MYO3A: variants seen among roughly 807,000 people sequenced by gnomAD.
MYO3A encodes myosin-IIIa.
Under a neutral mutation model 192.7 loss-of-function variants are expected in MYO3A, and 180 were observed. The observed-to-expected ratio is 0.93, with a 90% CI of 0.83 to 1.06. MYO3A has a LOEUF of 1.06. MYO3A is among the 50% of genes least tolerant of loss of function. The pLI is 0.00. For synonymous variants in MYO3A, 628 were observed against 645.3 expected (o/e 0.97, Z 0.41); for missense variants, 1,896 against 1,905.0 (o/e 1.00, Z 0.09).
intron 14 of MYO3A, among the ~76,000 whole-genome samples, chr10:26,079,108 G>A (rs767241766): frequency 3.9e-5 from 6 of 152,098 alleles, no homozygotes; most frequent in Admixed American, 1.3e-4. Flanking sequence ...TGTCAGTGGA[G>A]TATTGAAGTC....
In MYO3A at chr10:26,173,650, A is replaced by G. The variant is rs1169378018; in HGVS notation, c.3399-13A>G. 1.9e-6 allele frequency: 3 copies of G among 1,608,920 alleles called. No individual in the cohort carries two copies. The highest frequency in any genetic ancestry group is 2.7e-5 in the African/African-American group (2 of 74,806). On this transcript the variant is annotated splice_polypyrimidine_tract_variant and intron_variant, in intron 29 of 34. Transcript: ENST00000642920. ...TTAGTACTGTATATTCAAAGATAAT[A>G]TATTTTACACAGGGAATCTTTCGTG...
chr10:26,211,739 T>C (rs1844225055), intron 34 of MYO3A, 104 bp from the exon 35 acceptor site: 3 of 1,539,270 alleles, frequency 1.9e-6, no homozygotes, highest in East Asian at 4.6e-5. Context: ...ATGTCCGCGG[T>C]TGGCAGAACG....
chr10:26,198,416 CA>C (rs1380029492), intron 32 of MYO3A, among the ~76,000 whole-genome samples: 2 of 152,042 alleles, frequency 1.3e-5, no homozygotes, highest in African/African-American at 2.4e-5. Flanking sequence ...CAAGTTTCCT[CA>C]AAAAAACGAG....
intron 31 of MYO3A, among the ~76,000 whole-genome samples, chr10:26,180,816 G>C (rs1417877100): frequency 6.6e-6 from 1 of 151,882 alleles, no homozygotes; most frequent in Admixed American, 6.6e-5. Flanking sequence ...TTTCTGAATT[G>C]AAAGATAAAA....
intron 31 of MYO3A, among the ~76,000 whole-genome samples, chr10:26,181,302 T>A (rs1204983346): frequency 6.6e-6 from 1 of 152,166 alleles, no homozygotes; most frequent in Non-Finnish European, 1.5e-5. Context: ...CATTTCACAA[T>A]CTCTGCTTAG....
At chr10:26,168,052 G>T (rs1841850481) in intron 27 of MYO3A, among the ~76,000 whole-genome samples, 1 of 152,204 alleles carries the variant, frequency 6.6e-6, no homozygotes, top group Non-Finnish European at 1.5e-5. Flanking sequence ...TGCTCCAATT[G>T]ATGTTGATTT....
intron 6 of MYO3A, among the ~76,000 whole-genome samples, chr10:26,005,051 C>G (rs1841097771): frequency 6.6e-6 from 1 of 152,074 alleles, no homozygotes; most frequent in Admixed American, 6.6e-5. Flanking sequence ...TTCGAAATAT[C>G]TCTCCACAAA....
intron 17 of MYO3A, among the ~76,000 whole-genome samples, chr10:26,109,145 T>A (rs540426113): frequency 1.2e-4 from 18 of 152,218 alleles, no homozygotes; most frequent in Non-Finnish European, 2.2e-4. Flanking sequence ...CATGTAAGAA[T>A]GGAAAATGTA....
At chr10:26,097,486 A>T (rs1319283197) in intron 17 of MYO3A, among the ~76,000 whole-genome samples, 2 of 152,062 alleles carry the variant, frequency 1.3e-5, no homozygotes, top group African/African-American at 4.8e-5. Context: ...TGCTGCACAC[A>T]TTAACTCGTC....
rs768029006 is a variant in MYO3A, at chr10:26,166,180, T to C, written c.3111+2T>C. The C allele has an allele frequency of 6.3e-7, 1 of 1,597,644 alleles. No individual in the cohort carries two copies. Among genetic ancestry groups the C allele is most frequent in the South Asian group, 1.1e-5 (1 of 90,738 alleles). ...AACTGGGCTCTTGGAAAAACAAAAGTAATGTTTTCATGTAATTTTCAGGAA... is the reference window on the plus strand; with the variant it reads ...AACTGGGCTCTTGGAAAAACAAAAGCAATGTTTTCATGTAATTTTCAGGAA... On this transcript the variant is annotated splice_donor_variant, in intron 27 of 34. Coordinates refer to ENST00000642920, the MANE Select transcript of MYO3A (RefSeq NM_017433.5). LOFTEE classifies it high-confidence loss of function.
chr10:26,154,295 C>A (rs113545895), intron 24 of MYO3A, among the ~76,000 whole-genome samples: 1 of 152,128 alleles, frequency 6.6e-6, no homozygotes. Context: ...GATTCTCCTG[C>A]CTCAGCCTCC....
chr10:26,102,322 C>G lies in MYO3A; in HGVS notation c.1776+5640C>G, dbSNP rs1837507875. ...TCTAATCTTTTTTCAAGGTTTTTAGCTTCTTTGCAGTTCAAACATCCTCCT... is the reference window on the plus strand; with the variant it reads ...TCTAATCTTTTTTCAAGGTTTTTAGGTTCTTTGCAGTTCAAACATCCTCCT... On this transcript the variant is annotated intron_variant, in intron 17 of 34. Coordinates refer to ENST00000642920, the MANE Select transcript of MYO3A (RefSeq NM_017433.5). 2.0e-5 allele frequency among the ~76,000 whole-genome samples: 3 copies of G among 152,164 alleles called. No homozygotes were observed. In the South Asian group the frequency reaches 6.2e-4, roughly 31 times the overall value.
At chr10:26,184,281 A>G (rs1842761481) in intron 31 of MYO3A, among the ~76,000 whole-genome samples, 1 of 152,216 alleles carries the variant, frequency 6.6e-6, no homozygotes, top group African/African-American at 2.4e-5. Flanking sequence ...GACTAGAGTG[A>G]GTCTGCCTTT....
At chr10:26,114,643 A>G (rs937792445) in intron 17 of MYO3A, among the ~76,000 whole-genome samples, 1 of 152,222 alleles carries the variant, frequency 6.6e-6, no homozygotes, top group Non-Finnish European at 1.5e-5. Flanking sequence ...AGAGACATAA[A>G]ACAAATAAGA....
rs752055745 is a variant in MYO3A, at chr10:26,174,117, T to C, written c.3853T>C (p.Leu1285=). 1.9e-6 allele frequency: 3 copies of C among 1,614,110 alleles called. No homozygotes were observed. The South Asian group carries it at 3.3e-5, about 18-fold the overall frequency. ...AENETSFKKT[L]EPTLSQRSIY... Reference sequence around the variant, plus strand: ...AAATGAGACTTCCTTTAAAAAAACTTTGGAACCTACACTTAGCCAAAGGTC... The same window carrying C: ...AAATGAGACTTCCTTTAAAAAAACTCTGGAACCTACACTTAGCCAAAGGTC... The change falls in exon 30 of 35, where the codon TTG becomes CTG. Residue 1285 remains leucine (L), a synonymous_variant. Coordinates refer to ENST00000642920, the MANE Select transcript of MYO3A (RefSeq NM_017433.5).
At chr10:26,168,557 T>C (rs999069464) in intron 27 of MYO3A, among the ~76,000 whole-genome samples, 155 bp from the exon 28 acceptor site, 2 of 152,174 alleles carry the variant, frequency 1.3e-5, no homozygotes, top group African/African-American at 4.8e-5. Flanking sequence ...CATAAAAATC[T>C]GTACTGTCAT....
intron 4 of MYO3A, among the ~76,000 whole-genome samples, chr10:25,976,106 G>T (rs932791994): frequency 6.6e-6 from 1 of 152,194 alleles, no homozygotes; most frequent in Non-Finnish European, 1.5e-5. Context: ...CTGAGTATTG[G>T]TGAGGTGGCA....
At chr10:26,178,331 C>T (rs1842431179) in intron 31 of MYO3A, among the ~76,000 whole-genome samples, 1 of 152,138 alleles carries the variant, frequency 6.6e-6, no homozygotes, top group African/African-American at 2.4e-5. Context: ...CACTTTTGAA[C>T]ATCTCAGGTC....
In MYO3A at chr10:25,934,615, G is replaced by A. The variant is rs568655767; in HGVS notation, c.-105+287G>A. 7.0e-3 allele frequency among the ~76,000 whole-genome samples: 1,065 copies of A among 151,704 alleles called. 5 individuals carry two copies. The highest frequency in any genetic ancestry group is 0.011 in the Non-Finnish European group (774 of 67,854). ...AACGAGCTGGATGGGAGAGCTCGAG[G>A]GGAGGAGAGGGATGAACTTGAGGGG... On this transcript the variant is annotated intron_variant, in intron 1 of 34. Coordinates refer to ENST00000642920, the MANE Select transcript of MYO3A (RefSeq NM_017433.5).
Sources: gnomAD v4.1 joint callset for allele counts (sites outside exome capture counted in the v4.1 genomes callset) on GRCh38, gnomAD v4.1.1 for gene constraint, MANE v1.5 for transcripts, NCBI Gene and HGNC (gene_info 2026-07-23, HGNC 2026-07-21) for gene names.